OTOG: variants seen among roughly 807,000 people sequenced by gnomAD.
OTOG encodes the protein otogelin.
Under a neutral mutation model 313.8 loss-of-function variants are expected in OTOG, and 296 were observed. That is an observed-to-expected ratio of 0.94 (90% CI 0.86 to 1.04). The LOEUF (loss-of-function observed/expected upper bound fraction) is 1.04, where lower values mean the gene tolerates loss of function less well. Among genes scored for constraint, OTOG ranks in the 50% least tolerant of loss-of-function variants. The pLI is 0.00. For synonymous variants in OTOG, 1,533 were observed against 1,554.9 expected (o/e 0.99, Z 0.33); for missense variants, 3,948 against 3,840.1 (o/e 1.03, Z -0.74).
chr11:17,553,565 C>A, intron 6 of OTOG, 46 bp downstream of exon 6: 1 of 1,385,832 alleles, frequency 7.2e-7, no homozygotes, highest in Non-Finnish European at 9.4e-7. Flanking sequence ...TTCTCTAGGC[C>A]CTGGAGGCTG....
At chr11:17,629,101 C>G (rs758478655) in intron 39 of OTOG, 32 bp from the exon 40 acceptor site, 1 of 1,531,596 alleles carries the variant, frequency 6.5e-7, no homozygotes, top group South Asian at 1.2e-5. Context: ...AATGGATGGA[C>G]AAGCTGTGCT....
intron 24 of OTOG, among the ~76,000 whole-genome samples, chr11:17,588,700 G>T (rs1565105677): frequency 6.6e-6 from 1 of 152,194 alleles, no homozygotes; most frequent in Admixed American, 6.5e-5. Context: ...GGAGATTTTA[G>T]TATCTGTTTA....
chr11:17,574,734 G>T lies in OTOG; in HGVS notation c.2308G>T (p.Ala770Ser), dbSNP rs1219842417. 5.8e-6 allele frequency: 9 copies of T among 1,550,572 alleles called. No individual in the cohort carries two copies. The highest frequency in any genetic ancestry group is 7.0e-6 in the Non-Finnish European group (8 of 1,146,938). ...CCTCACTGCAGCACTGTCCTGTGAGGCCTCCAAGGAGTATAGCCCCTGCGT... is the reference window on the plus strand; with the variant it reads ...CCTCACTGCAGCACTGTCCTGTGAGTCCTCCAAGGAGTATAGCCCCTGCGT... ...RLPACALSCE[A>S]SKEYSPCVAP... Residue 770 changes from alanine (A) to serine (S), a missense_variant, in exon 20 of 56, where the codon GCC becomes TCC. Coordinates refer to ENST00000399397, the MANE Select transcript of OTOG (RefSeq NM_001292063.2).
At chr11:17,618,268 A>C (rs2134106801) in intron 39 of OTOG, among the ~76,000 whole-genome samples, 1 of 152,282 alleles carries the variant, frequency 6.6e-6, no homozygotes, top group Middle Eastern at 3.4e-3. Context: ...TGCATCCTAC[A>C]AGTTTTGATA....
intron 48 of OTOG, chr11:17,638,871 G>A (rs1847909306): frequency 1.8e-6 from 2 of 1,120,568 alleles, no homozygotes; most frequent in Admixed American, 2.3e-5. Context: ...GCCAAGGCGG[G>A]TGGATCATGA....
intron 18 of OTOG, among the ~76,000 whole-genome samples, chr11:17,572,770 G>T (rs577215421): frequency 7.9e-5 from 12 of 152,266 alleles, no homozygotes; most frequent in Admixed American, 2.0e-4. Context: ...CACCCATGCT[G>T]CTTCTTAGCT....
rs61997203 is a variant in OTOG at position 17,645,592 on chromosome 11, G to C, written c.8490G>C (p.Lys2830Asn). 28,514 of 1,550,656 alleles carry C rather than the reference G, an allele frequency of 0.018. 328 individuals carry two copies. The highest frequency in any genetic ancestry group is 0.021 in the Non-Finnish European group (24,352 of 1,146,998). ...AGGAGGATGGGCGCTCCTGCAAGAAGGTGACCATCCGCATGACCATCCGCA... is the reference window on the plus strand; with the variant it reads ...AGGAGGATGGGCGCTCCTGCAAGAACGTGACCATCCGCATGACCATCCGCA... ...TCKEDGRSCKKVTIRMTIRKN... is the reference protein window; with the variant it reads ...TCKEDGRSCKNVTIRMTIRKN... Residue 2830 changes from lysine to asparagine, a missense_variant, in exon 55 of 56, where the codon AAG (lysine) becomes AAC (asparagine). Physicochemically the swap from Lys to Asn is moderately conservative, Grantham distance 94 (BLOSUM62 0). Transcript: ENST00000399397.
At chr11:17,629,482 C>T (rs555144274) in intron 40 of OTOG, among the ~76,000 whole-genome samples, 166 bp downstream of exon 40, 1 of 152,262 alleles carries the variant, frequency 6.6e-6, no homozygotes, top group Admixed American at 6.5e-5. Context: ...GTCCTGGGGC[C>T]AAAGCTGCCA....
chr11:17,643,517 A>G lies in OTOG; in HGVS notation c.8461+11A>G, dbSNP rs750214726. ...GATGCTGCAGGACCTGTGAGTGAGC[A>G]TGGTGGGGGCCCAGGGGTGGGGGGC... On this transcript the variant is annotated intron_variant, in intron 54 of 55. Transcript: ENST00000399397. 1.2e-5 allele frequency: 8 copies of G among 694,976 alleles called. No individual in the cohort carries two copies. Among genetic ancestry groups the G allele is most frequent in the South Asian group, 4.0e-5 (2 of 49,570 alleles). 43.1% of individuals were successfully genotyped at this position (694,976 alleles called of 1,614,324 possible).
chr11:17,560,417 C>G (rs1216572931), intron 12 of OTOG, among the ~76,000 whole-genome samples: 1 of 152,104 alleles, frequency 6.6e-6, no homozygotes, highest in South Asian at 2.1e-4. Context: ...GGCACCTAAG[C>G]TGTTTTTGAT....
chr11:17,598,852 C>T lies in OTOG; in HGVS notation c.3683-819C>T, dbSNP rs911985107. 4.6e-5 allele frequency among the ~76,000 whole-genome samples: 7 copies of T among 152,182 alleles called. No homozygotes were observed. In the South Asian group the frequency reaches 6.2e-4, roughly 14 times the overall value. On this transcript the variant is annotated intron_variant, in intron 30 of 55. Transcript: ENST00000399397. ...CAGGCACGTGCCCCTAGCCACATGG[C>T]GGGCCTGTCTCCTGACTCCTAGTGT...
Position 17,593,702 on chromosome 11 carries a change from C to T in OTOG, c.3234C>T (p.Thr1078=). 5.2e-6 allele frequency: 8 copies of T among 1,548,840 alleles called. No homozygotes were observed. Among genetic ancestry groups the T allele is most frequent in the Non-Finnish European group, 7.0e-6 (8 of 1,146,950 alleles). ...TLVHFPQEHI[T]LLWDQRTTVH... The stretch of plus-strand genomic sequence containing the variant: ...TGCATTTCCCACAGGAGCACATCAC[C>T]CTCTTGTGGGACCAGAGAACCACAG... Residue 1078 remains threonine (T), a synonymous_variant, in exon 27 of 56, where the codon ACC becomes ACT. Transcript: ENST00000399397.
intron 42 of OTOG, 92 bp downstream of exon 42, chr11:17,632,318 A>G (rs1476069881): frequency 1.5e-6 from 2 of 1,321,242 alleles, no homozygotes; most frequent in South Asian, 3.4e-5. Flanking sequence ...AAGTTCATGT[A>G]TGCTTTCCCA....
Position 17,570,317 on chromosome 11 carries a change from G to A in OTOG, c.1882G>A (p.Val628Met). Reference protein sequence around the residue: ...DREGLRLYLQVDQRWVEDTVG... With the variant: ...DREGLRLYLQMDQRWVEDTVG... ...TGAAGGGCTCCGACTGTACCTGCAA[G>A]TGGACCAGCGATGGGTGGAGGATAC... The change falls in exon 17 of 56, where the codon GTG becomes ATG. Residue 628 changes from valine (V) to methionine (M), a missense_variant. Val to Met is a conservative substitution (Grantham distance 21, BLOSUM62 1). Coordinates refer to ENST00000399397, the MANE Select transcript of OTOG (RefSeq NM_001292063.2). The A allele has an allele frequency of 6.4e-7, 1 of 1,550,782 alleles. No individual in the cohort carries two copies. The highest frequency in any genetic ancestry group is 8.7e-7 in the Non-Finnish European group (1 of 1,147,038).
intron 3 of OTOG, among the ~76,000 whole-genome samples, chr11:17,548,728 CT>C (rs992637271): frequency 4.0e-5 from 6 of 150,420 alleles, no homozygotes; most frequent in Admixed American, 6.6e-5. Flanking sequence ...CTTTTTTTTT[CT>C]TTTTTTGAGT....
chr11:17,608,395 G>T lies in OTOG; in HGVS notation c.4256G>T (p.Ser1419Ile). Residue 1419 changes from serine (S) to isoleucine (I), a missense_variant, in exon 34 of 56, where the codon AGC becomes ATC. Transcript: ENST00000399397. ...ACCTGCCGGGACCCACGGGCAGCCAGCTGCCGGGACGTACCCAGGTGAGAT... is the reference window on the plus strand; with the variant it reads ...ACCTGCCGGGACCCACGGGCAGCCATCTGCCGGGACGTACCCAGGTGAGAT... The part of the protein sequence containing the change: ...FQTCRDPRAA[S>I]CRDVPRVEGC... 6.5e-7 allele frequency: 1 copy of T among 1,543,632 alleles called. No individual in the cohort carries two copies. Among genetic ancestry groups the T allele is most frequent in the Non-Finnish European group, 8.7e-7 (1 of 1,144,310 alleles).
intron 53 of OTOG, 95 bp downstream of exon 53, chr11:17,642,341 G>A: frequency 2.1e-6 from 3 of 1,417,156 alleles, no homozygotes; most frequent in South Asian, 1.6e-5. Flanking sequence ...AGTGCAGGAA[G>A]AAGGGCTCCC....
intron 32 of OTOG, among the ~76,000 whole-genome samples, chr11:17,604,510 T>C (rs1297047360): frequency 2.2e-4 from 34 of 152,200 alleles, no homozygotes; most frequent in Admixed American, 2.2e-3. Flanking sequence ...TCAGCCTGCC[T>C]GCATCCAGCC....
intron 31 of OTOG, 81 bp downstream of exon 31, chr11:17,599,778 C>T: frequency 6.8e-7 from 1 of 1,469,272 alleles, no homozygotes; most frequent in South Asian, 1.2e-5. Flanking sequence ...CATCAGCCAT[C>T]CCGAGGCGCT....
Sources: gnomAD v4.1 joint callset for allele counts (sites outside exome capture counted in the v4.1 genomes callset) on GRCh38, gnomAD v4.1.1 for gene constraint, MANE v1.5 for transcripts, NCBI Gene and HGNC (gene_info 2026-07-23, HGNC 2026-07-21) for gene names.